The following WDR72 variants were observed in gnomAD, a reference collection of about 807,000 sequenced individuals.
WDR72 encodes WD repeat domain 72.
A neutral mutation model predicts 124.2 loss-of-function variants in WDR72; 120 were observed. The observed-to-expected ratio is 0.97, with a 90% CI of 0.83 to 1.12. WDR72 has a LOEUF of 1.12. Ranked by LOEUF, WDR72 falls within the 50% of genes most tolerant of loss-of-function variation. The pLI is 0.00. For synonymous variants in WDR72, 452 were observed against 441.7 expected (o/e 1.02, Z -0.29); for missense variants, 1,387 against 1,278.8 (o/e 1.08, Z -1.29).
Position 53,548,630 on chromosome 15 carries a change from T to C in WDR72, c.3149-25308A>G, listed in dbSNP as rs370889102. ...GTGAATGCTAATGATTTTCTGACCA[T>C]GTCATGAACTGTGCTTTTTTTTTTT... On this transcript the variant is annotated intron_variant, in intron 18 of 19. Coordinates refer to ENST00000360509, the MANE Select transcript of WDR72 (RefSeq NM_182758.4). 5.5e-4 allele frequency among the ~76,000 whole-genome samples: 83 copies of C among 151,126 alleles called. 1 individual carries two copies. The South Asian group carries it at 0.016, about 30-fold the overall frequency.
At chr15:53,569,400 T>A (rs1894423688) in intron 18 of WDR72, among the ~76,000 whole-genome samples, 2 of 151,958 alleles carry the variant, frequency 1.3e-5, no homozygotes, top group Non-Finnish European at 2.9e-5. Flanking sequence ...GACAAGACTG[T>A]GGGAGAAAAA....
chr15:53,540,523 A>C (rs1421058152), intron 18 of WDR72, among the ~76,000 whole-genome samples: 2 of 151,978 alleles, frequency 1.3e-5, no homozygotes, highest in Non-Finnish European at 1.5e-5. Flanking sequence ...GAACTTAAAA[A>C]AATTGTAATA....
chr15:53,517,516 G>A lies in WDR72; in HGVS notation c.*183C>T. ...GAATATGAATATTTTCAATCAGTAT[G>A]TATTGCATTGTAATCAGCATGTATT... On this transcript the variant is annotated 3_prime_UTR_variant, in exon 20 of 20. Coordinates refer to ENST00000360509, the MANE Select transcript of WDR72 (RefSeq NM_182758.4). The A allele has an allele frequency of 1.5e-6, 1 of 653,648 alleles. No homozygotes were observed. The highest frequency in any genetic ancestry group is 3.9e-4 in the Middle Eastern group (1 of 2,564). 40.5% of individuals were successfully genotyped at this position (653,648 alleles called of 1,614,324 possible). A position where few individuals can be genotyped will look rare whatever the true frequency, so the allele number is the denominator to read the frequency against.
intron 18 of WDR72, among the ~76,000 whole-genome samples, chr15:53,579,203 G>A (rs1283047566): frequency 6.6e-6 from 1 of 152,072 alleles, no homozygotes; most frequent in Non-Finnish European, 1.5e-5. Context: ...GACAGGCACT[G>A]CATCATTGAA....
At chr15:53,568,572 T>C (rs909088403) in intron 18 of WDR72, among the ~76,000 whole-genome samples, 8 of 152,022 alleles carry the variant, frequency 5.3e-5, no homozygotes, top group African/African-American at 1.9e-4. Context: ...GATCCCAACT[T>C]GCTCCCCATT....
At chr15:53,679,390 A>G (rs1030857392) in intron 13 of WDR72, among the ~76,000 whole-genome samples, 6 of 152,208 alleles carry the variant, frequency 3.9e-5, no homozygotes, top group African/African-American at 1.2e-4. Flanking sequence ...CTGTGTTAAT[A>G]AGACAGCCCA....
intron 14 of WDR72, among the ~76,000 whole-genome samples, chr15:53,656,176 T>G (rs2015414401): frequency 6.6e-6 from 1 of 152,216 alleles, no homozygotes; most frequent in East Asian, 1.9e-4. Flanking sequence ...TAATCACACT[T>G]GAACCAAAAG....
chr15:53,552,649 C>T (rs1180951219), intron 18 of WDR72, among the ~76,000 whole-genome samples: 1 of 152,070 alleles, frequency 6.6e-6, no homozygotes, highest in African/African-American at 2.4e-5. Context: ...AAAACAGACA[C>T]ATAGAAAATA....
upstream of WDR72, among the ~76,000 whole-genome samples, chr15:53,761,318 CAA>C (rs973954908): frequency 2.0e-5 from 3 of 152,076 alleles, no homozygotes; most frequent in African/African-American, 7.2e-5. Flanking sequence ...CAGGCAATAA[CAA>C]ATGCTGGCAA....
chr15:53,548,916 CAG>C (rs1023358657), intron 18 of WDR72, among the ~76,000 whole-genome samples: 1 of 151,922 alleles, frequency 6.6e-6, no homozygotes, highest in African/African-American at 2.4e-5. Context: ...TATATCAACA[CAG>C]AGAAGACTGG....
At chr15:53,543,680 C>T (rs1328060349) in intron 18 of WDR72, among the ~76,000 whole-genome samples, 6 of 151,306 alleles carry the variant, frequency 4.0e-5, no homozygotes, top group African/African-American at 9.7e-5. Context: ...CACAAAAAAC[C>T]GTTCAAAAAA....
chr15:53,683,570 T>C (rs1053901739), intron 13 of WDR72, among the ~76,000 whole-genome samples: 8 of 152,292 alleles, frequency 5.3e-5, no homozygotes, highest in African/African-American at 1.9e-4. Context: ...CAACTGTCTT[T>C]GGCTACTATA....
intron 2 of WDR72, among the ~76,000 whole-genome samples, chr15:53,728,032 A>T (rs1039412165): frequency 2.0e-5 from 3 of 152,178 alleles, no homozygotes; most frequent in Non-Finnish European, 2.9e-5. Context: ...TGAAAAGAAC[A>T]CACAACTTGA....
intron 18 of WDR72, among the ~76,000 whole-genome samples, chr15:53,552,144 G>GTGTC (rs999611616): frequency 1.3e-5 from 2 of 151,848 alleles, no homozygotes; most frequent in African/African-American, 2.4e-5. Context: ...GTGTGTGTGT[G>GTGTC]TGTGTGTGTT....
rs760888510 is a variant in WDR72, at chr15:53,699,846, G to T, written c.1669C>A (p.Leu557Ile). Residue 557 changes from leucine (L) to isoleucine (I), a missense_variant, in exon 13 of 20, where the codon CTT (leucine) becomes ATT (isoleucine). By Grantham distance (5) the Leu-to-Ile change is conservative. Coordinates refer to ENST00000360509, the MANE Select transcript of WDR72 (RefSeq NM_182758.4). ...CATTTTATCATCCTCACAGGAAAAAGGTGCTTCCGGGCATGCAGGAGGCAA... is the reference window on the plus strand; with the variant it reads ...CATTTTATCATCCTCACAGGAAAAATGTGCTTCCGGGCATGCAGGAGGCAA... ...KSCLLHARKH[L>I]FPVRMIKWHP... 5.7e-5 allele frequency: 92 copies of T among 1,613,970 alleles called. No homozygotes were observed. The highest frequency in any genetic ancestry group is 2.3e-4 in the Admixed American group (14 of 59,986).
chr15:53,705,882 A>G, intron 10 of WDR72, 45 bp downstream of exon 10: 1 of 1,612,220 alleles, frequency 6.2e-7, no homozygotes, highest in Non-Finnish European at 8.5e-7. Context: ...TTAATTACAA[A>G]TTCATTCTCA....
At chr15:53,628,388 GA>G (rs1364448617) in intron 14 of WDR72, among the ~76,000 whole-genome samples, 1 of 152,056 alleles carries the variant, frequency 6.6e-6, no homozygotes, top group African/African-American at 2.4e-5. Context: ...TCAAGTGAGA[GA>G]TGGCACAGAT....
chr15:53,522,627 CTCTTT>C (rs769822931), intron 19 of WDR72, among the ~76,000 whole-genome samples: 4 of 151,992 alleles, frequency 2.6e-5, no homozygotes, highest in Non-Finnish European at 4.4e-5. Context: ...TAGTACATTT[CTCTTT>C]TATTTCTATA....
chr15:53,541,039 A>G (rs1893090612), intron 18 of WDR72: 1 of 158,158 alleles, frequency 6.3e-6, no homozygotes, highest in African/African-American at 2.4e-5. Context: ...CTGAGATCAA[A>G]CTGCAAGGCG....
Sources: allele counts gnomAD v4.1 joint callset (sites outside exome capture counted in the v4.1 genomes callset), GRCh38; gene constraint gnomAD v4.1.1; transcripts MANE v1.5; gene names NCBI Gene and HGNC (gene_info 2026-07-23, HGNC 2026-07-21).